BLACAT1: variants seen among roughly 807,000 people sequenced by gnomAD.
BLACAT1 encodes the protein bladder cancer associated transcript 1.
At chr1:205,449,788 C>T (rs1407762195) in intron 1 of BLACAT1, 1 of 152,702 alleles carries the variant, frequency 6.5e-6, no homozygotes, top group Admixed American at 6.5e-5. Context: ...TGCATAAAGC[C>T]ATGGACTCTA....
chr1:205,445,613 G>T (rs1254957650), intron 1 of BLACAT1, among the ~76,000 whole-genome samples: 2 of 152,220 alleles, frequency 1.3e-5, no homozygotes, highest in East Asian at 3.9e-4. Flanking sequence ...GACTGCAAGG[G>T]CAGCCAAGCA....
chr1:205,444,054 A>AG (rs1359793955), intron 1 of BLACAT1, among the ~76,000 whole-genome samples: 2 of 151,956 alleles, frequency 1.3e-5, no homozygotes, highest in Non-Finnish European at 2.9e-5. Flanking sequence ...CGTCTATTTG[A>AG]GGGGGAGGAG....
intron 1 of BLACAT1, among the ~76,000 whole-genome samples, chr1:205,445,673 T>C (rs1012390743): frequency 1.3e-5 from 2 of 152,190 alleles, no homozygotes; most frequent in African/African-American, 4.8e-5. Flanking sequence ...AGAGCAGCAA[T>C]AGTCCTGAAA....
intron 1 of BLACAT1, among the ~76,000 whole-genome samples, chr1:205,446,403 C>T (rs990674071): frequency 5.3e-5 from 8 of 152,194 alleles, no homozygotes; most frequent in African/African-American, 1.9e-4. Flanking sequence ...TCTCCCAGTT[C>T]GTACTTCATT....
rs1666445680 is a variant in BLACAT1, at chr1:205,448,703, C to T, written c.-37+7214G>A. Among the ~76,000 whole-genome samples, 1 of 152,154 alleles carries T rather than the reference C, an allele frequency of 6.6e-6. No homozygotes were observed. The highest frequency in any genetic ancestry group is 1.5e-5 in the Non-Finnish European group (1 of 68,022). On this transcript the variant is annotated intron_variant, in intron 1 of 1. Transcript: ENST00000629624. This position sits in a 1 kb window ranked among gnomAD's most constrained non-coding sequence, Gnocchi z 4.7. Reference sequence around the variant, plus strand: ...ATTCCCTTAATTAGCTTCCAGCCCCCTGCCCAGGGTCCTTAACTACCCCTT... The same window carrying T: ...ATTCCCTTAATTAGCTTCCAGCCCCTTGCCCAGGGTCCTTAACTACCCCTT...
At chr1:205,453,800 A>T (rs1477602593) in intron 1 of BLACAT1, among the ~76,000 whole-genome samples, 1 of 152,198 alleles carries the variant, frequency 6.6e-6, no homozygotes, top group Non-Finnish European at 1.5e-5. Context: ...AGCCTCCCCA[A>T]GTCCAGGACC....
downstream of BLACAT1, among the ~76,000 whole-genome samples, chr1:205,438,522 T>G (rs181471778): frequency 8.5e-4 from 130 of 152,332 alleles, no homozygotes; most frequent in African/African-American, 3.1e-3. Flanking sequence ...GGCACAGGTG[T>G]CCAGACTGCT....
Position 205,441,363 on chromosome 1 carries a change from C to G in BLACAT1, c.-36-301G>C, listed in dbSNP as rs984145843. Among the ~76,000 whole-genome samples, 1 of 152,184 alleles carries G rather than the reference C, an allele frequency of 6.6e-6. No individual in the cohort carries two copies. The highest frequency in any genetic ancestry group is 1.9e-4 in the East Asian group (1 of 5,194). On this transcript the variant is annotated intron_variant, in intron 1 of 1. Transcript: ENST00000629624. This position sits in a 1 kb window ranked among gnomAD's most constrained non-coding sequence, Gnocchi z 4.3. ...CTGCCTCCTTTTTTCCCCTCCCACCCGCTCTGCCCCACCTCATCACCATAT... is the reference window on the plus strand; with the variant it reads ...CTGCCTCCTTTTTTCCCCTCCCACCGGCTCTGCCCCACCTCATCACCATAT...
intron 1 of BLACAT1, among the ~76,000 whole-genome samples, chr1:205,446,748 C>G (rs1447874732): frequency 6.6e-6 from 1 of 152,160 alleles, no homozygotes; most frequent in African/African-American, 2.4e-5. Context: ...GAGGAAGGTG[C>G]CAGCCATCTC....
At chr1:205,455,454 CAT>C (rs1247543993) in intron 1 of BLACAT1, among the ~76,000 whole-genome samples, 1 of 152,168 alleles carries the variant, frequency 6.6e-6, no homozygotes, top group Non-Finnish European at 1.5e-5. Flanking sequence ...ACCAGACAAA[CAT>C]ATGCACAGGT....
At chr1:205,443,564 G>A (rs1387664937) in intron 1 of BLACAT1, among the ~76,000 whole-genome samples, 1 of 152,080 alleles carries the variant, frequency 6.6e-6, no homozygotes, top group Non-Finnish European at 1.5e-5. Context: ...AGAGGTGTTC[G>A]AGGGCTGGCT....
chr1:205,444,362 C>T (rs1666348590), intron 1 of BLACAT1, among the ~76,000 whole-genome samples: 1 of 152,028 alleles, frequency 6.6e-6, no homozygotes, highest in African/African-American at 2.4e-5. Context: ...GGTCTGGGGG[C>T]ACAGACGATG....
rs913724 is a variant in BLACAT1, at chr1:205,448,103, T to A, written c.-36-7041A>T. Reference sequence around the variant, plus strand: ...CCTCAGAGGGAATCTCCCTCTGGAATCACCGGCCCAGTCTCTTCATTCCAG... The same window carrying A: ...CCTCAGAGGGAATCTCCCTCTGGAAACACCGGCCCAGTCTCTTCATTCCAG... On this transcript the variant is annotated intron_variant, in intron 1 of 1. Coordinates refer to ENST00000629624, the Ensembl canonical transcript of BLACAT1. This position sits in a 1 kb window ranked among gnomAD's most constrained non-coding sequence, Gnocchi z 4.7. 6.6e-6 allele frequency among the ~76,000 whole-genome samples: 1 copy of A among 151,962 alleles called. No homozygotes were observed. Among genetic ancestry groups the A allele is most frequent in the Non-Finnish European group, 1.5e-5 (1 of 67,976 alleles).
intron 1 of BLACAT1, among the ~76,000 whole-genome samples, chr1:205,452,177 A>C (rs966518361): frequency 3.3e-5 from 5 of 152,220 alleles, no homozygotes; most frequent in African/African-American, 1.2e-4. Flanking sequence ...CAGGTCCAGC[A>C]TGAAAACTAA....
downstream of BLACAT1, chr1:205,436,188 G>C (rs1225895926): frequency 6.6e-6 from 1 of 152,230 alleles, no homozygotes; most frequent in Non-Finnish European, 1.5e-5. Context: ...AAGGGAAAGA[G>C]ACAGACCAGC....
chr1:205,435,491 G>A (rs1444926127), downstream of BLACAT1: 2 of 152,254 alleles, frequency 1.3e-5, no homozygotes, highest in Admixed American at 6.5e-5. Flanking sequence ...TAGGCAGAAA[G>A]ACTGGACAAA....
chr1:205,447,565 C>T (rs953925597), intron 1 of BLACAT1, among the ~76,000 whole-genome samples: 4 of 151,760 alleles, frequency 2.6e-5, no homozygotes, highest in African/African-American at 7.3e-5. Flanking sequence ...AAAATCAGGC[C>T]GATTTAAAAG....
Position 205,440,143 on chromosome 1 carries a change from C to T in BLACAT1, c.*782G>A, listed in dbSNP as rs148446247. ...GGCTCAGTCCAGGAAAGGGGTCCCT[C>T]AGTCTGGCCACGGCAAGACAGTCCC... On this transcript the variant is annotated 3_prime_UTR_variant, in exon 2 of 2. Coordinates refer to ENST00000629624, the Ensembl canonical transcript of BLACAT1. Among the ~76,000 whole-genome samples the T allele has an allele frequency of 1.6e-3, 242 of 152,308 alleles. 1 individual carries two copies. Among genetic ancestry groups the T allele is most frequent in the African/African-American group, 5.7e-3 (238 of 41,560 alleles).
intron 1 of BLACAT1, among the ~76,000 whole-genome samples, chr1:205,453,571 A>G (rs1666524212): frequency 6.6e-6 from 1 of 152,216 alleles, no homozygotes; most frequent in South Asian, 2.1e-4. Flanking sequence ...CTAGCCTGGC[A>G]GCCCTGGGTT....
Sources: gnomAD v4.1 joint callset for allele counts (sites outside exome capture counted in the v4.1 genomes callset) on GRCh38, gnomAD v4.1.1 for gene constraint, Gnocchi (gnomAD v3.1) non-coding constraint, MANE v1.5 for transcripts, NCBI Gene and HGNC (gene_info 2026-07-23, HGNC 2026-07-21) for gene names.